GBE1: variants seen among roughly 807,000 people sequenced by gnomAD.
GBE1 encodes the protein 1,4-alpha-glucan-branching enzyme.
GBE1 carries 70 observed loss-of-function variants against 88.8 expected under a neutral mutation model. The ratio of observed to expected loss-of-function variants is 0.79; its 90% CI spans 0.65 to 0.96. The LOEUF (loss-of-function observed/expected upper bound fraction) is 0.96. Among genes scored for constraint, GBE1 ranks in the 40% least tolerant of loss-of-function variants. The pLI is 0.00. For missense variants in GBE1, 872 were observed against 871.0 expected (o/e 1.00, Z -0.01); for synonymous variants, 284 against 300.1 (o/e 0.95, Z 0.56).
At chr3:81,743,299 C>G (rs911320586) in intron 1 of GBE1, among the ~76,000 whole-genome samples, 3 of 152,014 alleles carry the variant, frequency 2.0e-5, no homozygotes, top group Non-Finnish European at 2.9e-5. Context: ...ATGAGGTTAA[C>G]TATTATTTAA....
At chr3:81,732,015 C>A (rs1248246626) in intron 1 of GBE1, among the ~76,000 whole-genome samples, 1 of 151,752 alleles carries the variant, frequency 6.6e-6, no homozygotes, top group Non-Finnish European at 1.5e-5. Flanking sequence ...ATGGGAAAAA[C>A]AAAAACAAAA....
chr3:81,630,398 G>A (rs1452564273), intron 7 of GBE1, among the ~76,000 whole-genome samples: 1 of 152,062 alleles, frequency 6.6e-6, no homozygotes, highest in East Asian at 1.9e-4. Flanking sequence ...CACAGAACTG[G>A]AAAAAACTAT....
At chr3:81,683,969 A>C (rs1286981746) in intron 2 of GBE1, among the ~76,000 whole-genome samples, 1 of 152,222 alleles carries the variant, frequency 6.6e-6, no homozygotes, top group African/African-American at 2.4e-5. Flanking sequence ...AGAAATAACA[A>C]AATCATTACA....
chr3:81,501,406 T>C (rs1702584338), intron 14 of GBE1, among the ~76,000 whole-genome samples: 1 of 152,164 alleles, frequency 6.6e-6, no homozygotes, highest in Non-Finnish European at 1.5e-5. Context: ...GATTTGCTTT[T>C]AGGTAGAAAG....
chr3:81,722,552 G>A (rs1468639166), intron 1 of GBE1, among the ~76,000 whole-genome samples: 1 of 151,586 alleles, frequency 6.6e-6, no homozygotes, highest in East Asian at 1.9e-4. Context: ...AAGTTTTAAG[G>A]TAGAGCATGT....
chr3:81,507,989 T>C (rs1702676733), intron 14 of GBE1, among the ~76,000 whole-genome samples: 1 of 152,118 alleles, frequency 6.6e-6, no homozygotes, highest in Non-Finnish European at 1.5e-5. Flanking sequence ...CAATGCAAAA[T>C]AGCAATAAGA....
intron 12 of GBE1, among the ~76,000 whole-genome samples, chr3:81,541,589 C>T (rs912398064): frequency 6.6e-6 from 1 of 151,812 alleles, no homozygotes; most frequent in Non-Finnish European, 1.5e-5. Context: ...TGTTATAAAA[C>T]AGGCCCCAGA....
intron 1 of GBE1, among the ~76,000 whole-genome samples, chr3:81,727,963 T>C (rs938045019): frequency 6.6e-6 from 1 of 152,074 alleles, no homozygotes; most frequent in Non-Finnish European, 1.5e-5. Context: ...TCCTATAATA[T>C]TATTTAGAAT....
At chr3:81,721,220 T>A (rs11712468) in intron 1 of GBE1, among the ~76,000 whole-genome samples, 22,376 of 65,366 alleles carry the variant, frequency 0.34, 3,111 homozygotes, top group East Asian at 0.72. Flanking sequence ...AATAAATAAA[T>A]AAATAAATAA....
chr3:81,751,550 A>AC (rs1706528474), intron 1 of GBE1, among the ~76,000 whole-genome samples: 1 of 152,274 alleles, frequency 6.6e-6, no homozygotes, highest in Admixed American at 6.5e-5. Context: ...GTAAGCTAGC[A>AC]CGTGTTCCAG....
intron 8 of GBE1, among the ~76,000 whole-genome samples, chr3:81,592,028 T>C (rs1175508792): frequency 6.6e-6 from 1 of 152,030 alleles, no homozygotes; most frequent in Non-Finnish European, 1.5e-5. Flanking sequence ...CAAATAAAAA[T>C]TGCATATATT....
chr3:81,742,644 G>A (rs1019838164), intron 1 of GBE1, among the ~76,000 whole-genome samples: 9 of 152,080 alleles, frequency 5.9e-5, no homozygotes, highest in African/African-American at 2.2e-4. Context: ...AATTACTACT[G>A]GCCTGGCTGG....
At chr3:81,649,304 A>G (rs1405760859) in intron 4 of GBE1, among the ~76,000 whole-genome samples, 2 of 152,274 alleles carry the variant, frequency 1.3e-5, no homozygotes, top group Middle Eastern at 3.4e-3. Context: ...TGCAAAGTAT[A>G]TATCAACAAA....
chr3:81,594,002 A>T lies in GBE1; in HGVS notation c.1014T>A (p.Leu338=). Residue 338 remains leucine (L), a synonymous_variant, in exon 8 of 16, where the codon CTT becomes CTA. Transcript: ENST00000429644. ...AYSSWEILRF[L]LSNIRWWLEE... is the part of the protein sequence containing the mutation. ...CCAACCACCATCTTATGTTTGACAG[A>T]AGGAATCTTAAAATTTCCCAGCTAA... The T allele has an allele frequency of 2.6e-6, 4 of 1,561,572 alleles. No individual in the cohort carries two copies. Among genetic ancestry groups the T allele is most frequent in the Non-Finnish European group, 3.5e-6 (4 of 1,146,476 alleles).
At chr3:81,576,819 A>G (rs1703653653) in intron 12 of GBE1, among the ~76,000 whole-genome samples, 1 of 152,090 alleles carries the variant, frequency 6.6e-6, no homozygotes, top group Non-Finnish European at 1.5e-5. Context: ...AGTATACGTG[A>G]AATCTGTGTA....
At chr3:81,706,809 T>C (rs1019658734) in intron 1 of GBE1, among the ~76,000 whole-genome samples, 1 of 151,686 alleles carries the variant, frequency 6.6e-6, no homozygotes, top group Non-Finnish European at 1.5e-5. Context: ...GACTGCAGAC[T>C]TAAGGAAATA....
At chr3:81,649,979 T>C in intron 3 of GBE1, 58 bp from the exon 4 acceptor site, 2 of 1,422,854 alleles carry the variant, frequency 1.4e-6, no homozygotes, top group Middle Eastern at 1.8e-4. Flanking sequence ...TGATAATACA[T>C]AATGGTTTAG....
intron 7 of GBE1, among the ~76,000 whole-genome samples, chr3:81,636,592 G>A (rs967062974): frequency 6.6e-6 from 1 of 150,994 alleles, no homozygotes; most frequent in African/African-American, 2.4e-5. Context: ...GTGCAATGGC[G>A]CAATCTCGGC....
At chr3:81,535,117 C>CTT (rs60133692) in intron 14 of GBE1, 78 bp downstream of exon 14, 149 of 1,025,552 alleles carry the variant, frequency 1.5e-4, no homozygotes, top group South Asian at 4.3e-4. Context: ...CAACCTTAGT[C>CTT]TTTTTTTTTT....
Sources: allele counts gnomAD v4.1 joint callset (sites outside exome capture counted in the v4.1 genomes callset), GRCh38; gene constraint gnomAD v4.1.1; transcripts MANE v1.5; gene names NCBI Gene and HGNC (gene_info 2026-07-23, HGNC 2026-07-21).